The following PRKD1 variants were observed in gnomAD, a reference collection of about 807,000 sequenced individuals.
PRKD1 encodes the protein serine/threonine-protein kinase D1.
In PRKD1, 63 loss-of-function variants were observed where a neutral mutation model predicts 95.9. The ratio of observed to expected loss-of-function variants is 0.66; its 90% CI spans 0.54 to 0.81. PRKD1 has a LOEUF of 0.81. Among genes scored for constraint, PRKD1 ranks in the 30% least tolerant of loss-of-function variants. The probability of loss-of-function intolerance (pLI) is 0.00; values close to 1 mark genes in which losing one functional copy is unlikely to be tolerated. For synonymous variants in PRKD1, 425 were observed against 423.1 expected (o/e 1.00, Z -0.05); for missense variants, 1,048 against 1,165.3 (o/e 0.90, Z 1.47).
At chr14:29,717,938 C>G (rs2139373685) in intron 2 of PRKD1, among the ~76,000 whole-genome samples, 1 of 152,216 alleles carries the variant, frequency 6.6e-6, no homozygotes, top group Admixed American at 6.5e-5. Context: ...TTCTCCATCT[C>G]CTCCCTGGAG....
At chr14:29,911,237 A>G (rs1894702189) in intron 1 of PRKD1, among the ~76,000 whole-genome samples, 1 of 152,210 alleles carries the variant, frequency 6.6e-6, no homozygotes, top group Non-Finnish European at 1.5e-5. Flanking sequence ...TCTTAAATTT[A>G]GAAGTGCAAT....
At chr14:29,656,619 AGGCATGCTTTC>A in intron 4 of PRKD1, 1 of 1,186,416 alleles carries the variant, frequency 8.4e-7, no homozygotes, top group Admixed American at 2.2e-5. Flanking sequence ...TGTTTCATAT[AGGCATGCTTTC>A]AAAAAAAAGC....
rs565005364 is a variant in PRKD1, at chr14:29,611,992, G to A, written c.1905+12160C>T. The stretch of plus-strand genomic sequence containing the variant: ...TGACAAATCCTATTACTGTAGTACA[G>A]CTTCTATATTTAGATGTCAGCACAC... On this transcript the variant is annotated intron_variant, in intron 13 of 17. Coordinates refer to ENST00000331968, the MANE Select transcript of PRKD1 (RefSeq NM_002742.3). Among the ~76,000 whole-genome samples the A allele has an allele frequency of 3.5e-3, 527 of 152,208 alleles. 3 individuals carry two copies. The highest frequency in any genetic ancestry group is 0.012 in the African/African-American group (496 of 41,546).
At chr14:29,728,163 T>TA (rs34448868) in intron 1 of PRKD1, among the ~76,000 whole-genome samples, 26,845 of 151,468 alleles carry the variant, frequency 0.18, 2,618 homozygotes, top group South Asian at 0.27. Flanking sequence ...AGTATAATAA[T>TA]AAAAAAAAGA....
intron 10 of PRKD1, 122 bp downstream of exon 10, chr14:29,630,620 A>G (rs1879935152): frequency 7.7e-7 from 1 of 1,292,472 alleles, no homozygotes; most frequent in Non-Finnish European, 1.1e-6. Context: ...TCTACAATAA[A>G]CTAAGTCATC....
intron 1 of PRKD1, among the ~76,000 whole-genome samples, chr14:29,893,595 C>A (rs1043401806): frequency 6.6e-6 from 1 of 152,048 alleles, no homozygotes; most frequent in African/African-American, 2.4e-5. Context: ...AATGAAAAAA[C>A]ATATATAAAC....
chr14:29,771,100 C>T (rs1237312501), intron 1 of PRKD1, among the ~76,000 whole-genome samples: 2 of 151,978 alleles, frequency 1.3e-5, no homozygotes, highest in African/African-American at 4.8e-5. Flanking sequence ...GGAAGCAGAA[C>T]TTAAAGATTT....
intron 1 of PRKD1, among the ~76,000 whole-genome samples, chr14:29,739,137 A>G (rs1412708449): frequency 6.6e-5 from 10 of 152,132 alleles, no homozygotes; most frequent in Non-Finnish European, 1.2e-4. Context: ...TGTGGCCCCA[A>G]TGCTTCTTTT....
chr14:29,693,882 T>A (rs1004328711), intron 2 of PRKD1, among the ~76,000 whole-genome samples: 17 of 152,186 alleles, frequency 1.1e-4, no homozygotes, highest in African/African-American at 4.1e-4. Flanking sequence ...TTTTGGATAG[T>A]CTTTTCAGTA....
intron 6 of PRKD1, among the ~76,000 whole-genome samples, chr14:29,637,563 ACT>A (rs780721627): frequency 6.6e-6 from 1 of 152,190 alleles, no homozygotes; most frequent in Admixed American, 6.5e-5. Context: ...TCCAGTACAC[ACT>A]GACATTCCCT....
chr14:29,632,777 T>G, intron 9 of PRKD1, 92 bp downstream of exon 9: 3 of 1,170,972 alleles, frequency 2.6e-6, no homozygotes, highest in Non-Finnish European at 3.7e-6. Context: ...AATAGCCACG[T>G]TTGTTGGATG....
intron 1 of PRKD1, among the ~76,000 whole-genome samples, chr14:29,768,493 T>A (rs2139131927): frequency 6.6e-6 from 1 of 152,260 alleles, no homozygotes; most frequent in East Asian, 1.9e-4. Flanking sequence ...TCTTCTACTA[T>A]CCCTTTTGGA....
At chr14:29,881,694 C>T (rs2139396274) in intron 1 of PRKD1, among the ~76,000 whole-genome samples, 1 of 152,238 alleles carries the variant, frequency 6.6e-6, no homozygotes, top group South Asian at 2.1e-4. Flanking sequence ...TTGATCCCAT[C>T]CCATGGACTT....
intron 1 of PRKD1, among the ~76,000 whole-genome samples, chr14:29,853,526 T>C (rs1239843336): frequency 2.0e-5 from 3 of 152,174 alleles, no homozygotes; most frequent in Non-Finnish European, 4.4e-5. Flanking sequence ...TCAAAGCTTA[T>C]ATTTCTAGAC....
intron 3 of PRKD1, among the ~76,000 whole-genome samples, 193 bp downstream of exon 3, chr14:29,665,884 G>A (rs1232958255): frequency 6.6e-6 from 1 of 151,962 alleles, no homozygotes; most frequent in Non-Finnish European, 1.5e-5. Flanking sequence ...AACCAAACGA[G>A]TGGATGAAGA....
intron 1 of PRKD1, among the ~76,000 whole-genome samples, chr14:29,904,878 C>T (rs189137041): frequency 5.3e-5 from 8 of 152,274 alleles, no homozygotes; most frequent in Non-Finnish European, 1.2e-4. Flanking sequence ...GTAAAATCAT[C>T]GGTCTAAAAT....
intron 1 of PRKD1, among the ~76,000 whole-genome samples, chr14:29,826,445 T>C (rs1406253560): frequency 2.5e-5 from 2 of 78,670 alleles, no homozygotes; most frequent in East Asian, 3.6e-4. Context: ...AATATATATA[T>C]ACATATATAT....
chr14:29,807,988 C>G (rs920388985), intron 1 of PRKD1, among the ~76,000 whole-genome samples: 20 of 152,112 alleles, frequency 1.3e-4, no homozygotes, highest in Admixed American at 9.2e-4. Context: ...TCCCAACCTG[C>G]TAGAGTTACA....
chr14:29,615,701 A>T (rs1051879671), intron 13 of PRKD1, among the ~76,000 whole-genome samples: 1 of 152,194 alleles, frequency 6.6e-6, no homozygotes, highest in Non-Finnish European at 1.5e-5. Flanking sequence ...TGAACATCTT[A>T]AAGGGTTTTA....
Sources: allele counts gnomAD v4.1 joint callset (sites outside exome capture counted in the v4.1 genomes callset), GRCh38; gene constraint gnomAD v4.1.1; transcripts MANE v1.5; gene names NCBI Gene and HGNC (gene_info 2026-07-23, HGNC 2026-07-21).